Variants in GRIK3 observed in about 807,000 individuals in gnomAD.
GRIK3 encodes the protein glutamate receptor ionotropic, kainate 3.
GRIK3 carries 29 observed loss-of-function variants against 102.5 expected under a neutral mutation model. The ratio of observed to expected loss-of-function variants is 0.28; its 90% CI spans 0.21 to 0.39. The LOEUF (loss-of-function observed/expected upper bound fraction) is 0.39, where lower values mean the gene tolerates loss of function less well. GRIK3 is among the 10% of genes least tolerant of loss of function. The probability of loss-of-function intolerance (pLI) is 1.00; values close to 1 mark genes in which losing one functional copy is unlikely to be tolerated. For missense variants in GRIK3, 908 were observed against 1,252.4 expected, an observed-to-expected ratio of 0.73 and a Z score of 4.15; for synonymous variants, 511 against 504.9, an observed-to-expected ratio of 1.01 and a Z score of -0.16.
chr1:36,986,449 TC>T (rs1557452910), intron 1 of GRIK3, among the ~76,000 whole-genome samples: 17 of 147,616 alleles, frequency 1.2e-4, no homozygotes, highest in African/African-American at 4.4e-4. Flanking sequence ...CATCCATCCA[TC>T]CATCCATCCA....
chr1:36,881,272 T>C (rs1453141350), intron 2 of GRIK3, among the ~76,000 whole-genome samples: 1 of 152,150 alleles, frequency 6.6e-6, no homozygotes, highest in Non-Finnish European at 1.5e-5. Flanking sequence ...AGAATCAAAC[T>C]GGCTGATGGT....
chr1:36,850,383 C>T lies in GRIK3; in HGVS notation c.1254G>A (p.Glu418=). 2 of 1,613,372 alleles carry T rather than the reference C, an allele frequency of 1.2e-6. No homozygotes were observed. The highest frequency in any genetic ancestry group is 2.2e-5 in the South Asian group (2 of 90,988). The change falls in exon 9 of 16, where the codon GAG becomes GAA. Residue 418 remains glutamate, a synonymous_variant. Transcript: ENST00000373091. This position sits in a 1 kb window ranked among gnomAD's most constrained non-coding sequence, Gnocchi z 4.0. ...WSPADGLNIT[E]VAKGRGPNVT... is the part of the protein sequence containing the mutation. Reference sequence around the variant, plus strand: ...CATTAGGGCCTCGGCCTTTGGCAACCTCAGTGATGTTGAGCCCGTCGGCAG... The same window carrying T: ...CATTAGGGCCTCGGCCTTTGGCAACTTCAGTGATGTTGAGCCCGTCGGCAG...
intron 7 of GRIK3, among the ~76,000 whole-genome samples, chr1:36,856,062 AG>A (rs1640647836): frequency 6.6e-6 from 1 of 152,222 alleles, no homozygotes; most frequent in Non-Finnish European, 1.5e-5. Flanking sequence ...CTGGGGACCG[AG>A]GGGTCGGGAA....
chr1:36,913,720 G>C (rs1641370676), intron 1 of GRIK3, among the ~76,000 whole-genome samples: 1 of 152,076 alleles, frequency 6.6e-6, no homozygotes, highest in Non-Finnish European at 1.5e-5. Context: ...AATCACAGCA[G>C]GGCCTTTGGC....
intron 1 of GRIK3, among the ~76,000 whole-genome samples, chr1:36,937,959 A>G (rs767812122): frequency 1.3e-5 from 2 of 152,192 alleles, no homozygotes; most frequent in Non-Finnish European, 2.9e-5. Flanking sequence ...CCAAGCCTTT[A>G]TACATTCTTT....
At chr1:36,971,895 A>G (rs1330541790) in intron 1 of GRIK3, among the ~76,000 whole-genome samples, 1 of 152,072 alleles carries the variant, frequency 6.6e-6, no homozygotes, top group African/African-American at 2.4e-5. Flanking sequence ...GCCTGGAGAC[A>G]CCCTTTTGGA....
At chr1:36,890,635 G>A (rs1641102694) in intron 2 of GRIK3, among the ~76,000 whole-genome samples, 2 of 152,114 alleles carry the variant, frequency 1.3e-5, no homozygotes, top group South Asian at 4.2e-4. Context: ...AGTCCTATAT[G>A]GTACTTCCTA....
At chr1:36,946,887 G>A (rs559537746) in intron 1 of GRIK3, among the ~76,000 whole-genome samples, 3 of 152,182 alleles carry the variant, frequency 2.0e-5, no homozygotes, top group Admixed American at 6.5e-5. Flanking sequence ...GGAAGACCTG[G>A]ACAATTTGAT....
rs182429145 is a variant in GRIK3 at position 37,033,675 on chromosome 1, T to C, written c.115+319A>G. On this transcript the variant is annotated intron_variant, in intron 1 of 15. Coordinates refer to ENST00000373091, the MANE Select transcript of GRIK3 (RefSeq NM_000831.4). Reference sequence around the variant, plus strand: ...GCAGAACTCGGTCGGCTGCGGTTCATGCTGGCAGTCACCGCGAAATGCGCC... The same window carrying C: ...GCAGAACTCGGTCGGCTGCGGTTCACGCTGGCAGTCACCGCGAAATGCGCC... Among the ~76,000 whole-genome samples the C allele has an allele frequency of 1.0e-3, 156 of 152,008 alleles. 1 individual carries two copies. The East Asian group carries it at 0.026, about 26-fold the overall frequency.
intron 1 of GRIK3, among the ~76,000 whole-genome samples, chr1:36,931,127 C>G (rs1641584126): frequency 6.6e-6 from 1 of 152,202 alleles, no homozygotes. Flanking sequence ...AAGTATTTAT[C>G]ACAAGTCTTC....
intron 2 of GRIK3, among the ~76,000 whole-genome samples, chr1:36,881,471 C>A (rs957471865): frequency 6.6e-6 from 1 of 152,150 alleles, no homozygotes; most frequent in South Asian, 2.1e-4. Context: ...GACCCATATG[C>A]CAAAAACCAT....
chr1:37,032,662 CTGCCTCCGG>C (rs1642840843), intron 1 of GRIK3, among the ~76,000 whole-genome samples: 1 of 152,216 alleles, frequency 6.6e-6, no homozygotes, highest in Admixed American at 6.5e-5. Flanking sequence ...CTGGCCTCCT[CTGCCTCCGG>C]TGCTGGTGTT....
intron 1 of GRIK3, among the ~76,000 whole-genome samples, chr1:36,999,262 G>C (rs2124026822): frequency 6.6e-6 from 1 of 152,270 alleles, no homozygotes; most frequent in South Asian, 2.1e-4. Context: ...GTCTGGGAAA[G>C]GTGCCCAGGT....
In GRIK3 at chr1:36,912,437, C is replaced by T. The variant is rs570913876; in HGVS notation, c.116-21341G>A. Among the ~76,000 whole-genome samples, 7 of 152,194 alleles carry T rather than the reference C, an allele frequency of 4.6e-5. No individual in the cohort carries two copies. The South Asian group carries it at 8.3e-4, about 18-fold the overall frequency. On this transcript the variant is annotated intron_variant, in intron 1 of 15. Coordinates refer to ENST00000373091, the MANE Select transcript of GRIK3 (RefSeq NM_000831.4). ...CAGAACAGAACCCCCCTCCTCCCCCCTCTGCTGCCCACAGTGTAACCCACC... is the reference window on the plus strand; with the variant it reads ...CAGAACAGAACCCCCCTCCTCCCCCTTCTGCTGCCCACAGTGTAACCCACC...
chr1:37,018,554 C>A (rs761947444), intron 1 of GRIK3, among the ~76,000 whole-genome samples: 1 of 152,182 alleles, frequency 6.6e-6, no homozygotes, highest in African/African-American at 2.4e-5. Context: ...GCTTACTGCA[C>A]CTTATTTCTC....
At chr1:36,970,622 G>T (rs1642130456) in intron 1 of GRIK3, among the ~76,000 whole-genome samples, 1 of 152,130 alleles carries the variant, frequency 6.6e-6, no homozygotes, top group Non-Finnish European at 1.5e-5. Flanking sequence ...TCTCTGATTG[G>T]AATAAGTCTC....
chr1:36,946,292 G>A (rs1762067), intron 1 of GRIK3, among the ~76,000 whole-genome samples: 19,280 of 152,278 alleles, frequency 0.13, 2,237 homozygotes, highest in African/African-American at 0.3. Context: ...GTCTATGTGA[G>A]CACAGGTCGT....
intron 13 of GRIK3, among the ~76,000 whole-genome samples, chr1:36,811,780 T>A (rs1047238228): frequency 6.6e-6 from 1 of 152,218 alleles, no homozygotes; most frequent in Non-Finnish European, 1.5e-5. Flanking sequence ...AGTCCTCCTG[T>A]ATGCCTGGCT....
At chr1:36,960,348 GC>G (rs1329696093) in intron 1 of GRIK3, among the ~76,000 whole-genome samples, 6 of 152,134 alleles carry the variant, frequency 3.9e-5, no homozygotes, top group African/African-American at 1.4e-4. Context: ...GAACCTGTTT[GC>G]CCCATGAGCT....
Sources: allele counts gnomAD v4.1 joint callset (sites outside exome capture counted in the v4.1 genomes callset), GRCh38; gene constraint gnomAD v4.1.1; non-coding constraint Gnocchi (gnomAD v3.1); transcripts MANE v1.5; gene names NCBI Gene and HGNC (gene_info 2026-07-23, HGNC 2026-07-21).